TRHDE: variants seen among roughly 807,000 people sequenced by gnomAD.
TRHDE encodes thyrotropin releasing hormone degrading enzyme, also known as thyrotropin-releasing hormone-degrading ectoenzyme.
In TRHDE, 72 loss-of-function variants were observed where a neutral mutation model predicts 125.7. The observed-to-expected ratio is 0.57, with a 90% CI of 0.47 to 0.70. TRHDE has a LOEUF of 0.70. Ranked by LOEUF, TRHDE falls within the 30% of genes least tolerant of loss-of-function variation. The probability of loss-of-function intolerance (pLI) is 0.00; values close to 1 mark genes in which losing one functional copy is unlikely to be tolerated. For missense variants in TRHDE, 1,110 were observed against 1,327.1 expected, an observed-to-expected ratio of 0.84 and a Z score of 2.54; for synonymous variants, 509 against 509.1, an observed-to-expected ratio of 1.00 and a Z score of 0.00.
At chr12:72,660,494 C>T (rs1874874734) in intron 18 of TRHDE, among the ~76,000 whole-genome samples, 1 of 152,260 alleles carries the variant, frequency 6.6e-6, no homozygotes, top group Non-Finnish European at 1.5e-5. Context: ...ACCAAGGAGC[C>T]CTCAAACGGC....
At chr12:72,350,781 C>T (rs1592562053) in intron 2 of TRHDE, among the ~76,000 whole-genome samples, 1 of 151,928 alleles carries the variant, frequency 6.6e-6, no homozygotes, top group South Asian at 2.1e-4. Flanking sequence ...TAATTTGATA[C>T]TCCAGTTAAG....
In TRHDE at chr12:72,595,271, A is replaced by ATAC. The variant is rs1871886212; in HGVS notation, c.2321+19729_2321+19730insTAC. Among the ~76,000 whole-genome samples, 10 of 151,814 alleles carry ATAC rather than the reference A, an allele frequency of 6.6e-5. No homozygotes were observed. In the South Asian group the frequency reaches 2.1e-3, roughly 32 times the overall value. On this transcript the variant is annotated intron_variant, in intron 12 of 18. Transcript: ENST00000261180. ...TAAAACTTAAAGTATAATAATAATA[A>ATAC]AGTGCATTTTCAAAAATAAGCATTC...
chr12:72,652,452 G>A lies in TRHDE; in HGVS notation c.2806G>A (p.Ala936Thr), dbSNP rs1874543569. ...AVSEKKILLE[A>T]LTCSDDRNLL... ...TTCTGAGAAGAAAATATTATTGGAAGCCTTAACTTGCAGTGATGACAGGAA... is the reference window on the plus strand; with the variant it reads ...TTCTGAGAAGAAAATATTATTGGAAACCTTAACTTGCAGTGATGACAGGAA... The change falls in exon 16 of 19, where the codon GCC becomes ACC. Residue 936 changes from alanine to threonine, a missense_variant. By Grantham distance (58) the Ala-to-Thr change is moderately conservative. This residue lies in a region of TRHDE where 527 missense variants were observed against 651.8 expected (regional missense o/e 0.81). Coordinates refer to ENST00000261180, the MANE Select transcript of TRHDE (RefSeq NM_013381.3). 3 of 1,608,026 alleles carry A rather than the reference G, an allele frequency of 1.9e-6. No individual in the cohort carries two copies. The highest frequency in any genetic ancestry group is 2.5e-6 in the Non-Finnish European group (3 of 1,176,900).
intron 3 of TRHDE, among the ~76,000 whole-genome samples, chr12:72,438,205 A>G (rs1293664176): frequency 6.6e-6 from 1 of 151,790 alleles, no homozygotes; most frequent in Non-Finnish European, 1.5e-5. Flanking sequence ...TTGATTCCAT[A>G]TCTTGGCTAT....
rs550561425 is a variant in TRHDE at position 72,491,390 on chromosome 12, A to G, written c.1585-8108A>G. ...CCCAGGATTATCATAATTAATGAAA[A>G]TGTGAGTGACTGATTGATAACTTCT... On this transcript the variant is annotated intron_variant, in intron 5 of 18. Coordinates refer to ENST00000261180, the MANE Select transcript of TRHDE (RefSeq NM_013381.3). 2.0e-5 allele frequency among the ~76,000 whole-genome samples: 3 copies of G among 152,010 alleles called. No individual in the cohort carries two copies. In the East Asian group the frequency reaches 5.8e-4, roughly 29 times the overall value.
Position 72,469,769 on chromosome 12 carries a change from GT to G in TRHDE, c.1328del (p.Val443GlyfsTer14). On this transcript the variant is annotated frameshift_variant, in exon 4 of 19. Coordinates refer to ENST00000261180, the MANE Select transcript of TRHDE (RefSeq NM_013381.3). LOFTEE classifies it high-confidence loss of function. ...YSLPKLDLLA[V>X]PKHPYAAMEN... ...TATTTTATTTCTAGATCTTTTAGCT[GT>G]GCCTAAGCATCCGTATGCTGCTATG... The G allele has an allele frequency of 1.2e-6, 2 of 1,613,906 alleles. No individual in the cohort carries two copies. Among genetic ancestry groups the G allele is most frequent in the Non-Finnish European group, 1.7e-6 (2 of 1,179,934 alleles).
chr12:72,318,700 T>A (rs1868928902), intron 2 of TRHDE, among the ~76,000 whole-genome samples: 1 of 148,786 alleles, frequency 6.7e-6, no homozygotes, highest in Admixed American at 6.6e-5. Context: ...CCCAGCTGAG[T>A]GATCTGTCAA....
At chr12:72,637,052 T>C (rs1873788994) in intron 15 of TRHDE, among the ~76,000 whole-genome samples, 1 of 152,212 alleles carries the variant, frequency 6.6e-6, no homozygotes. Context: ...CTTTTTCTAT[T>C]GATTGGAATA....
At chr12:72,357,801 A>G (rs1870888998) in intron 2 of TRHDE, among the ~76,000 whole-genome samples, 2 of 151,538 alleles carry the variant, frequency 1.3e-5, no homozygotes, top group Non-Finnish European at 1.5e-5. Context: ...TTTTACTGTA[A>G]TAATGATGTA....
intron 10 of TRHDE, among the ~76,000 whole-genome samples, chr12:72,574,297 C>G (rs1034445605): frequency 2.0e-5 from 3 of 151,986 alleles, no homozygotes; most frequent in African/African-American, 4.8e-5. Context: ...TTCTGTGATG[C>G]CTTTTATGGT....
In TRHDE at chr12:72,378,088, T is replaced by C. The variant is rs1292401902; in HGVS notation, c.1282T>C (p.Tyr428His). 1.9e-6 allele frequency: 3 copies of C among 1,601,954 alleles called. No homozygotes were observed. Among genetic ancestry groups the C allele is most frequent in the Non-Finnish European group, 2.6e-6 (3 of 1,175,734 alleles). Residue 428 changes from tyrosine (Y) to histidine (H), a missense_variant, in exon 3 of 19, where the codon TAC becomes CAC. By Grantham distance (83) the Tyr-to-His change is moderately conservative (BLOSUM62 2). Coordinates refer to ENST00000261180, the MANE Select transcript of TRHDE (RefSeq NM_013381.3). Reference sequence around the variant, plus strand: ...GAGATTAATAGAATTTTATGAAGACTACTTTAAAGTGCCCTATTCCTTGCC... The same window carrying C: ...GAGATTAATAGAATTTTATGAAGACCACTTTAAAGTGCCCTATTCCTTGCC... ...TKRLIEFYED[Y>H]FKVPYSLPKL...
At chr12:72,110,466 G>A (rs1231638169) in intron 2 of TRHDE, among the ~76,000 whole-genome samples, 1 of 151,822 alleles carries the variant, frequency 6.6e-6, no homozygotes, top group Admixed American at 6.6e-5. Flanking sequence ...GACCAGCATA[G>A]AAGGAAAGTC....
intron 2 of TRHDE, 41 bp downstream of exon 2, chr12:72,286,995 A>C: frequency 6.3e-7 from 1 of 1,592,842 alleles, no homozygotes; most frequent in South Asian, 1.1e-5. Flanking sequence ...GATAATGTAC[A>C]CTCTGTAAAG....
intron 2 of TRHDE, among the ~76,000 whole-genome samples, chr12:72,293,610 C>T (rs192274517): frequency 3.3e-5 from 5 of 152,306 alleles, no homozygotes; most frequent in Admixed American, 2.6e-4. Flanking sequence ...AAGAAAGTGA[C>T]CATTATTAAT....
At chr12:72,624,604 A>ACAATGAATAGCTAGAGATGGTAG (rs1321769904) in intron 15 of TRHDE, among the ~76,000 whole-genome samples, 1 of 151,944 alleles carries the variant, frequency 6.6e-6, no homozygotes, top group East Asian at 1.9e-4. Context: ...ACCAAAAAGT[A>ACAATGAATAGCTAGAGATGGTAG]CAATGAATAG....
intron 3 of TRHDE, among the ~76,000 whole-genome samples, chr12:72,386,740 G>A (rs761562373): frequency 2.0e-5 from 3 of 152,004 alleles, no homozygotes; most frequent in Non-Finnish European, 4.4e-5. Flanking sequence ...TCTCAAATTC[G>A]ATAATGCCTC....
At chr12:72,140,943 A>C (rs1430786297) in intron 2 of TRHDE, among the ~76,000 whole-genome samples, 1 of 152,234 alleles carries the variant, frequency 6.6e-6, no homozygotes, top group East Asian at 1.9e-4. Context: ...GAAAACAATC[A>C]GAAAACTCCT....
rs546251857 is a variant in TRHDE, at chr12:72,548,987, A to T, written c.1788+6631A>T. ...TCACCATCATCTAAAATATGGTTGAATAAAGAAAGATTTATCTTGATTAGT... is the reference window on the plus strand; with the variant it reads ...TCACCATCATCTAAAATATGGTTGATTAAAGAAAGATTTATCTTGATTAGT... On this transcript the variant is annotated intron_variant, in intron 7 of 18. Coordinates refer to ENST00000261180, the MANE Select transcript of TRHDE (RefSeq NM_013381.3). Among the ~76,000 whole-genome samples the T allele has an allele frequency of 3.9e-5, 6 of 151,974 alleles. No homozygotes were observed. The South Asian group carries it at 1.2e-3, about 31-fold the overall frequency.
intron 3 of TRHDE, among the ~76,000 whole-genome samples, chr12:72,412,247 G>A (rs1299905169): frequency 6.6e-6 from 1 of 151,824 alleles, no homozygotes; most frequent in Non-Finnish European, 1.5e-5. Flanking sequence ...CAAATATCCA[G>A]GACTTATAAA....
Sources: gnomAD v4.1 joint callset for allele counts (sites outside exome capture counted in the v4.1 genomes callset) on GRCh38, gnomAD v4.1.1 for gene constraint, gnomAD v4.1.1 regional missense constraint, MANE v1.5 for transcripts, NCBI Gene and HGNC (gene_info 2026-07-23, HGNC 2026-07-21) for gene names.